Variants in RGS16 observed in about 807,000 individuals in gnomAD.
RGS16 encodes the protein hRGS-r.
A neutral mutation model predicts 18.1 loss-of-function variants in RGS16; 12 were observed. The ratio of observed to expected loss-of-function variants is 0.66; its 90% CI spans 0.42 to 1.07. RGS16 has a LOEUF of 1.07. RGS16 is among the 50% of genes least tolerant of loss of function. RGS16 has a pLI of 0.00. For missense variants in RGS16, 238 were observed against 249.2 expected, an observed-to-expected ratio of 0.95 and a Z score of 0.30; for synonymous variants, 88 against 102.0, an observed-to-expected ratio of 0.86 and a Z score of 0.83.
Position 182,604,230 on chromosome 1 carries a change from G to C in RGS16, c.30C>G (p.Thr10=), listed in dbSNP as rs1337791342. 2 of 1,552,060 alleles carry C rather than the reference G, an allele frequency of 1.3e-6. No homozygotes were observed. The highest frequency in any genetic ancestry group is 2.4e-5 in the South Asian group (2 of 84,098). The stretch of plus-strand genomic sequence containing the variant: ...CCTCCCCTTACCTCTCCAGGCAGGT[G>C]GTGGGGAAGGCGGCCAGGGTGCGGC... MCRTLAAFP[T]TCLERAKEFK... The change falls in exon 1 of 5, where the codon ACC becomes ACG. Residue 10 remains threonine, a synonymous_variant. Coordinates refer to ENST00000367558, the MANE Select transcript of RGS16 (RefSeq NM_002928.4).
chr1:182,602,358 G>T lies in RGS16; in HGVS notation c.220+62C>A, dbSNP rs539857139. On this transcript the variant is annotated intron_variant, in intron 3 of 4. Transcript: ENST00000367558. ...CAGGCTCTCAGCAGTCCTGGGGCTG[G>T]CTCCAAAGCACATGAGTACACATGT... The T allele has an allele frequency of 4.9e-6, 7 of 1,427,080 alleles. No individual in the cohort carries two copies. In the East Asian group the frequency reaches 1.6e-4, roughly 32 times the overall value. 88.4% of individuals were successfully genotyped at this position (1,427,080 alleles called of 1,614,324 possible). A position where few individuals can be genotyped will look rare whatever the true frequency, so the allele number is the denominator to read the frequency against.
chr1:182,603,259 A>G lies in RGS16; in HGVS notation c.125T>C (p.Phe42Ser). Reference protein sequence around the residue: ...LGCDTGSTGKFEWGSKHSKEN... With the variant: ...LGCDTGSTGKSEWGSKHSKEN... ...TTTGCTGTGTTTACTGCCCCACTCG[A>G]ACTTGCCAGTACTCCCAGTATCGCA... The change falls in exon 2 of 5, where the codon TTC (phenylalanine) becomes TCC (serine). Residue 42 changes from phenylalanine to serine, a missense_variant. By Grantham distance (155) the Phe-to-Ser change is radical (BLOSUM62 -2). Transcript: ENST00000367558. The G allele has an allele frequency of 6.2e-7, 1 of 1,614,108 alleles. No individual in the cohort carries two copies. Among genetic ancestry groups the G allele is most frequent in the South Asian group, 1.1e-5 (1 of 91,078 alleles).
rs1191591452 is a variant in RGS16, at chr1:182,600,292, T to G, written c.609A>C (p.Ter203CysextTer14). 6.2e-7 allele frequency: 1 copy of G among 1,608,716 alleles called. No homozygotes were observed. Among genetic ancestry groups the G allele is most frequent in the Non-Finnish European group, 8.5e-7 (1 of 1,177,692 alleles). Residue 203 changes from the stop codon to cysteine (C), a stop_lost, in exon 5 of 5, where the codon TGA becomes TGC. Coordinates refer to ENST00000367558, the MANE Select transcript of RGS16 (RefSeq NM_002928.4). ...SCSLDEPSHT[*>C] is the part of the protein sequence containing the mutation. Reference sequence around the variant, plus strand: ...CTGGCTTCCTCACTGCCGTGGAGACTCAGGTGTGTGAGGGCTCGTCCAGGC... The same window carrying G: ...CTGGCTTCCTCACTGCCGTGGAGACGCAGGTGTGTGAGGGCTCGTCCAGGC...
At chr1:182,601,450 C>A (rs1661861082) in intron 4 of RGS16, among the ~76,000 whole-genome samples, 1 of 152,198 alleles carries the variant, frequency 6.6e-6, no homozygotes, top group African/African-American at 2.4e-5. Flanking sequence ...TGGAATCAAT[C>A]AGCGGTCAGA....
At chr1:182,601,559 A>T (rs1255302595) in intron 4 of RGS16, among the ~76,000 whole-genome samples, 1 of 152,248 alleles carries the variant, frequency 6.6e-6, no homozygotes, top group Admixed American at 6.5e-5. Context: ...TTTAGCGGCC[A>T]GGAGAGAAGG....
At chr1:182,604,178 T>A (rs1342763641) in intron 1 of RGS16, 38 bp downstream of exon 1, 2 of 1,550,352 alleles carry the variant, frequency 1.3e-6, no homozygotes, top group Non-Finnish European at 1.7e-6. Flanking sequence ...TAAGAGTTGG[T>A]GGGACTTCCC....
In RGS16 at chr1:182,604,382, C is replaced by T; in HGVS notation, c.-123G>A. On this transcript the variant is annotated 5_prime_UTR_variant, in exon 1 of 5. Transcript: ENST00000367558. ...GTCAACTGCGGTTGGGTTTAGCAGC[C>T]TGCAAGCGCCCAGACTGAGCGGCCG... 2.2e-6 allele frequency: 2 copies of T among 913,290 alleles called. No homozygotes were observed. The highest frequency in any genetic ancestry group is 1.6e-6 in the Non-Finnish European group (1 of 621,626). The allele number at this position is 913,290 out of a possible 1,614,324, so 56.6% of individuals were successfully genotyped here. A position where few individuals can be genotyped will look rare whatever the true frequency, so the allele number is the denominator to read the frequency against.
At chr1:182,600,946 T>C (rs1430910911) in intron 4 of RGS16, among the ~76,000 whole-genome samples, 2 of 152,182 alleles carry the variant, frequency 1.3e-5, no homozygotes, top group African/African-American at 4.8e-5. Flanking sequence ...TCTCCTCATG[T>C]CTTTCAGAAG....
chr1:182,603,139 G>A (rs989503849), intron 2 of RGS16, 90 bp downstream of exon 2: 16 of 914,130 alleles, frequency 1.8e-5, no homozygotes, highest in South Asian at 8.2e-5. Context: ...TCCACTTAGC[G>A]TGTCCTGGCT....
chr1:182,600,357 C>A lies in RGS16; in HGVS notation c.544G>T (p.Ala182Ser). Residue 182 changes from alanine to serine, a missense_variant, in exon 5 of 5, where the codon GCC (alanine) becomes TCC (serine). Transcript: ENST00000367558. ...LKSPAYRDLA[A>S]QASAASATLS... ...GTGGCAGAGGCGGCTGAGGCTTGGGCAGCCAGGTCCCGGTAAGCAGGCGAC... is the reference window on the plus strand; with the variant it reads ...GTGGCAGAGGCGGCTGAGGCTTGGGAAGCCAGGTCCCGGTAAGCAGGCGAC... 1 of 1,613,898 alleles carries A rather than the reference C, an allele frequency of 6.2e-7. No individual in the cohort carries two copies. Among genetic ancestry groups the A allele is most frequent in the East Asian group, 2.2e-5 (1 of 44,860 alleles).
intron 4 of RGS16, among the ~76,000 whole-genome samples, chr1:182,601,291 A>G (rs1451309966): frequency 6.6e-6 from 1 of 151,994 alleles, no homozygotes; most frequent in Non-Finnish European, 1.5e-5. Flanking sequence ...CCTGGCATAT[A>G]TTTGTCTAGT....
chr1:182,601,635 G>A (rs758482166), intron 4 of RGS16, among the ~76,000 whole-genome samples: 3 of 152,222 alleles, frequency 2.0e-5, no homozygotes, highest in Non-Finnish European at 4.4e-5. Context: ...GACTGAGCCA[G>A]GTTACATAAG....
chr1:182,603,839 C>T (rs1461022730), intron 1 of RGS16, among the ~76,000 whole-genome samples: 1 of 152,032 alleles, frequency 6.6e-6, no homozygotes, highest in Non-Finnish European at 1.5e-5. Context: ...ATCTCCCTGT[C>T]TTCCAGGGGC....
At chr1:182,601,569 G>A (rs1435559629) in intron 4 of RGS16, among the ~76,000 whole-genome samples, 1 of 152,206 alleles carries the variant, frequency 6.6e-6, no homozygotes, top group Non-Finnish European at 1.5e-5. Flanking sequence ...AGGAGAGAAG[G>A]TAGACAAAAA....
Position 182,600,510 on chromosome 1 carries a change from T to C in RGS16, c.391A>G (p.Asn131Asp), listed in dbSNP as rs373325694. ...AGCTCGTGGGTCTCATGGTCAATGT[T>C]GACCTGCGGGAAGGAGGACACACAC... ...FICSEAPKEV[N>D]IDHETHELTR... Residue 131 changes from asparagine to aspartate, a missense_variant, in exon 5 of 5, where the codon AAC becomes GAC. Asn to Asp is a conservative substitution (Grantham distance 23). Coordinates refer to ENST00000367558, the MANE Select transcript of RGS16 (RefSeq NM_002928.4). The C allele has an allele frequency of 1.9e-6, 3 of 1,613,638 alleles. No homozygotes were observed. The African/African-American group carries it at 4.0e-5, about 22-fold the overall frequency.
Position 182,602,454 on chromosome 1 carries a change from C to G in RGS16, c.186G>C (p.Trp62Cys). Residue 62 changes from tryptophan to cysteine, a missense_variant, in exon 3 of 5, where the codon TGG becomes TGC. Physicochemically the swap from Trp to Cys is radical, Grantham distance 215. Transcript: ENST00000367558. ...TCAGCAGCAGGTCGAACGACTCTCT[C>G]CACCCCAGCACATCTTCTGAGAAGT... is the stretch of plus-strand genomic sequence containing the variant. ...NRNFSEDVLG[W>C]RESFDLLLSS... 1 of 1,613,802 alleles carries G rather than the reference C, an allele frequency of 6.2e-7. No individual in the cohort carries two copies. Among genetic ancestry groups the G allele is most frequent in the Non-Finnish European group, 8.5e-7 (1 of 1,179,910 alleles).
Position 182,601,895 on chromosome 1 carries a change from T to C in RGS16, c.387+71A>G, listed in dbSNP as rs1661869649. ...TCTACACCTAGCCCTTCCTCCCCTC[T>C]AGCCCTGATTCTCAGAGGGGAAGGA... On this transcript the variant is annotated intron_variant, in intron 4 of 4. Transcript: ENST00000367558. The C allele has an allele frequency of 1.9e-6, 3 of 1,583,450 alleles. No individual in the cohort carries two copies. In the East Asian group the frequency reaches 6.7e-5, roughly 35 times the overall value.
chr1:182,603,134 T>C (rs1254954801), intron 2 of RGS16, 95 bp downstream of exon 2: 3 of 887,566 alleles, frequency 3.4e-6, no homozygotes, highest in African/African-American at 3.3e-5. Flanking sequence ...CAAGGTCCAC[T>C]TAGCGTGTCC....
intron 1 of RGS16, among the ~76,000 whole-genome samples, chr1:182,603,582 C>T (rs554643157): frequency 2.4e-4 from 36 of 152,298 alleles, no homozygotes; most frequent in Non-Finnish European, 2.6e-4. Context: ...GTAATACACA[C>T]GCTGCATATA....
Sources: allele counts gnomAD v4.1 joint callset (sites outside exome capture counted in the v4.1 genomes callset), GRCh38; gene constraint gnomAD v4.1.1; transcripts MANE v1.5; gene names NCBI Gene and HGNC (gene_info 2026-07-23, HGNC 2026-07-21).